Variants in RBPMS2 observed in about 807,000 individuals in gnomAD.
RBPMS2 encodes RNA binding protein, mRNA processing factor 2.
In RBPMS2, 14 loss-of-function variants were observed where a neutral mutation model predicts 25.7. The observed-to-expected ratio is 0.55, with a 90% CI of 0.36 to 0.85. The LOEUF (loss-of-function observed/expected upper bound fraction) is 0.85. RBPMS2 is among the 40% of genes least tolerant of loss of function. The pLI is 0.01. For missense variants in RBPMS2, 252 were observed against 283.4 expected (o/e 0.89, Z 0.80); for synonymous variants, 127 against 115.6 (o/e 1.10, Z -0.63).
intron 6 of RBPMS2, among the ~76,000 whole-genome samples, chr15:64,745,542 C>T (rs1382936755): frequency 2.0e-5 from 3 of 152,084 alleles, no homozygotes; most frequent in African/African-American, 7.2e-5. Context: ...ATGGAAGACC[C>T]GCATATCCTC....
chr15:64,751,383 C>CA (rs570468410), intron 2 of RBPMS2, among the ~76,000 whole-genome samples, 178 bp downstream of exon 2: 1 of 151,432 alleles, frequency 6.6e-6, no homozygotes, highest in South Asian at 2.1e-4. Context: ...GGCGAGGAAA[C>CA]AGAGGCTCAG....
intron 6 of RBPMS2, among the ~76,000 whole-genome samples, chr15:64,743,779 C>A (rs879248941): frequency 1.3e-5 from 2 of 152,144 alleles, no homozygotes; most frequent in Non-Finnish European, 2.9e-5. Context: ...GAAGATACAC[C>A]AGAAAGCAAG....
At chr15:64,761,211 G>A (rs766360743) in intron 1 of RBPMS2, 1 of 152,092 alleles carries the variant, frequency 6.6e-6, no homozygotes, top group Admixed American at 6.6e-5. Context: ...TCATCCCGAT[G>A]GAAAACACTA....
intron 1 of RBPMS2, among the ~76,000 whole-genome samples, chr15:64,768,373 CTCAA>C (rs1479538217): frequency 6.6e-6 from 1 of 152,048 alleles, no homozygotes; most frequent in Non-Finnish European, 1.5e-5. Flanking sequence ...GGTGCAGTGA[CTCAA>C]ACCTATAACC....
intron 1 of RBPMS2, among the ~76,000 whole-genome samples, chr15:64,755,868 C>T (rs1338882186): frequency 1.3e-5 from 2 of 150,916 alleles, no homozygotes; most frequent in African/African-American, 4.9e-5. Flanking sequence ...CAAGCGTCCA[C>T]AAGGCTGCCT....
chr15:64,756,086 T>C (rs757913508), intron 1 of RBPMS2, among the ~76,000 whole-genome samples: 6 of 152,092 alleles, frequency 3.9e-5, no homozygotes, highest in South Asian at 2.1e-4. Context: ...CCTCAAAACA[T>C]TTCCATCTCC....
intron 3 of RBPMS2, among the ~76,000 whole-genome samples, chr15:64,749,910 A>G (rs758296688): frequency 6.6e-6 from 1 of 152,168 alleles, no homozygotes; most frequent in Admixed American, 6.5e-5. Flanking sequence ...TAGGTTGAAA[A>G]CTGCTCCAAC....
At chr15:64,753,517 T>C (rs775614053) in intron 1 of RBPMS2, among the ~76,000 whole-genome samples, 1 of 152,204 alleles carries the variant, frequency 6.6e-6, no homozygotes, top group Non-Finnish European at 1.5e-5. Flanking sequence ...CCAGGATAGC[T>C]GCTGGTTACT....
At chr15:64,745,691 C>T (rs2083612373) in intron 6 of RBPMS2, among the ~76,000 whole-genome samples, 1 of 152,138 alleles carries the variant, frequency 6.6e-6, no homozygotes, top group East Asian at 1.9e-4. Flanking sequence ...TTGTGCCTCA[C>T]CCTCTTTAAG....
rs2083666478 is a variant in RBPMS2 at position 64,750,455 on chromosome 15, C to T, written c.166-74G>A. On this transcript the variant is annotated intron_variant, in intron 2 of 7. Coordinates refer to ENST00000300069, the MANE Select transcript of RBPMS2 (RefSeq NM_194272.3). ...TGCTAGCCCAGCGCTGCCACCTCAT[C>T]AGCCCCCGCGTTCCCCTGAGTCATT... The T allele has an allele frequency of 2.3e-6, 3 of 1,297,154 alleles. No individual in the cohort carries two copies. The South Asian group carries it at 3.6e-5, about 15-fold the overall frequency. 80.4% of individuals were successfully genotyped at this position (1,297,154 alleles called of 1,614,324 possible). A position where few individuals can be genotyped will look rare whatever the true frequency, so the allele number is the denominator to read the frequency against.
At chr15:64,759,069 G>A (rs964225617) in intron 1 of RBPMS2, among the ~76,000 whole-genome samples, 3 of 152,090 alleles carry the variant, frequency 2.0e-5, no homozygotes, top group African/African-American at 4.8e-5. Flanking sequence ...GGAATTATAG[G>A]TGTGAGCCAC....
chr15:64,767,265 A>G (rs1567070998), intron 1 of RBPMS2, among the ~76,000 whole-genome samples: 1 of 152,048 alleles, frequency 6.6e-6, no homozygotes, highest in Admixed American at 6.6e-5. Flanking sequence ...ATGCCCAGCT[A>G]GGCAGCATCA....
chr15:64,774,611 G>A (rs958122730), intron 1 of RBPMS2, among the ~76,000 whole-genome samples: 3 of 120,028 alleles, frequency 2.5e-5, no homozygotes, highest in Non-Finnish European at 3.7e-5. Flanking sequence ...AGGACGAACT[G>A]AGTGTCTTTA....
At chr15:64,757,605 G>C (rs2083745068) in intron 1 of RBPMS2, among the ~76,000 whole-genome samples, 9 of 152,100 alleles carry the variant, frequency 5.9e-5, no homozygotes, top group Admixed American at 5.9e-4. Flanking sequence ...CCAAGAACAG[G>C]GTAACAAGGC....
chr15:64,752,667 G>A (rs1340043240), intron 1 of RBPMS2, among the ~76,000 whole-genome samples: 1 of 151,714 alleles, frequency 6.6e-6, no homozygotes, highest in African/African-American at 2.4e-5. Flanking sequence ...CTGGAGTGCA[G>A]TGGCGCCATC....
chr15:64,775,142 G>A, intron 1 of RBPMS2, 91 bp downstream of exon 1: 2 of 676,166 alleles, frequency 3.0e-6, no homozygotes, highest in Non-Finnish European at 4.0e-6. Context: ...TGGCCACCCC[G>A]GCCCCGCGAG....
chr15:64,751,487 C>G (rs1013065162), intron 2 of RBPMS2, 74 bp downstream of exon 2: 1 of 1,329,586 alleles, frequency 7.5e-7, no homozygotes, highest in Non-Finnish European at 1.1e-6. Context: ...CTGCCCTGCC[C>G]GACCCGAGAT....
intron 1 of RBPMS2, among the ~76,000 whole-genome samples, chr15:64,757,179 C>T (rs1479864829): frequency 1.3e-5 from 2 of 151,776 alleles, no homozygotes; most frequent in Admixed American, 6.6e-5. Context: ...ACTATGTTGC[C>T]TGGGCTGGTT....
rs2083662413 is a variant in RBPMS2, at chr15:64,750,205, C to G, written c.204+138G>C. On this transcript the variant is annotated intron_variant, in intron 3 of 7. Transcript: ENST00000300069. Reference sequence around the variant, plus strand: ...GACAGTGGGACCTACAGAGGCTGCTCTGTCAGAAACAGGACAACAGGGAGC... The same window carrying G: ...GACAGTGGGACCTACAGAGGCTGCTGTGTCAGAAACAGGACAACAGGGAGC... 24 of 795,570 alleles carry G rather than the reference C, an allele frequency of 3.0e-5. No homozygotes were observed. In the South Asian group the frequency reaches 3.4e-4, roughly 11 times the overall value. The allele number at this position is 795,570 out of a possible 1,614,324, so 49.3% of individuals were successfully genotyped here.
Sources: gnomAD v4.1 joint callset for allele counts (sites outside exome capture counted in the v4.1 genomes callset) on GRCh38, gnomAD v4.1.1 for gene constraint, MANE v1.5 for transcripts, NCBI Gene and HGNC (gene_info 2026-07-23, HGNC 2026-07-21) for gene names.